Variants in DPP6 observed in about 807,000 individuals in gnomAD.
DPP6 encodes dipeptidyl peptidase like 6.
Under a neutral mutation model 122.6 loss-of-function variants are expected in DPP6, and 69 were observed. The observed-to-expected ratio is 0.56, with a 90% CI of 0.46 to 0.69. The LOEUF (loss-of-function observed/expected upper bound fraction) is 0.69. DPP6 is among the 30% of genes least tolerant of loss of function. The pLI is 0.00. For missense variants in DPP6, 928 were observed against 1,116.9 expected (o/e 0.83, Z 2.41); for synonymous variants, 418 against 433.1 (o/e 0.97, Z 0.43).
At chr7:154,558,121 C>T (rs1481403708) in intron 4 of DPP6, among the ~76,000 whole-genome samples, 1 of 151,932 alleles carries the variant, frequency 6.6e-6, no homozygotes, top group African/African-American at 2.4e-5. Context: ...CCCACAGGCC[C>T]CAGTATATGA....
At chr7:154,061,602 T>G (rs1448490104) in intron 1 of DPP6, among the ~76,000 whole-genome samples, 5 of 144,204 alleles carry the variant, frequency 3.5e-5, no homozygotes, top group Non-Finnish European at 7.7e-5. Flanking sequence ...CCCTGGCTCT[T>G]GGGACTCCCA....
chr7:153,857,499 T>C, the DPP6 span, among the ~76,000 whole-genome samples: 4 of 152,182 alleles, frequency 2.6e-5, no homozygotes, highest in Non-Finnish European at 4.4e-5. Context: ...CAGACACTGC[T>C]TACAGCTTTC....
chr7:154,765,091 T>C (rs1367303555), intron 8 of DPP6, among the ~76,000 whole-genome samples: 2 of 152,192 alleles, frequency 1.3e-5, no homozygotes, highest in African/African-American at 2.4e-5. Flanking sequence ...ACAGCACACA[T>C]ATGAATGAGA....
At chr7:154,128,315 C>T (rs529172367) in intron 1 of DPP6, among the ~76,000 whole-genome samples, 1 of 152,154 alleles carries the variant, frequency 6.6e-6, no homozygotes, top group Non-Finnish European at 1.5e-5. Flanking sequence ...CATGGTGGCT[C>T]ACATCTGTAA....
the DPP6 span, among the ~76,000 whole-genome samples, chr7:153,765,906 G>A: frequency 6.6e-6 from 1 of 152,168 alleles, no homozygotes; most frequent in Admixed American, 6.5e-5. Flanking sequence ...TCAAACATCA[G>A]TGTCCACACA....
intron 5 of DPP6, among the ~76,000 whole-genome samples, chr7:154,595,206 T>G (rs1271940975): frequency 1.3e-5 from 2 of 152,158 alleles, no homozygotes; most frequent in East Asian, 3.9e-4. Context: ...TCCGTTGCCA[T>G]CTTCCTGCCC....
chr7:154,157,152 G>C (rs1796724822), intron 1 of DPP6, among the ~76,000 whole-genome samples: 1 of 152,268 alleles, frequency 6.6e-6, no homozygotes, highest in Non-Finnish European at 1.5e-5. Context: ...GCGGAGTCAC[G>C]ATACTGAAGG....
intron 7 of DPP6, among the ~76,000 whole-genome samples, chr7:154,695,011 A>G (rs12719585): frequency 0.026 from 3,981 of 152,326 alleles, 63 homozygotes; most frequent in Non-Finnish European, 0.04. Context: ...AGATTTGCAT[A>G]GACAACATTT....
In DPP6 at chr7:154,037,066, T is replaced by C. The variant is rs1228709100; in HGVS notation, c.51+149332T>C. Among the ~76,000 whole-genome samples the C allele has an allele frequency of 5.3e-5, 8 of 152,254 alleles. No homozygotes were observed. The East Asian group carries it at 1.5e-3, about 29-fold the overall frequency. Reference sequence around the variant, plus strand: ...TTAGTTTCTTCAGTTCAAGGTTGATTTGTGGCCCATGAGTCTCTGATCCAG... The same window carrying C: ...TTAGTTTCTTCAGTTCAAGGTTGATCTGTGGCCCATGAGTCTCTGATCCAG... On this transcript the variant is annotated intron_variant, in intron 1 of 25. Transcript: ENST00000404039.
chr7:153,795,561 T>A, the DPP6 span, among the ~76,000 whole-genome samples: 2 of 152,130 alleles, frequency 1.3e-5, no homozygotes, highest in Non-Finnish European at 2.9e-5. Context: ...CTTTTGGTTT[T>A]ATTTATTTTC....
At chr7:154,829,118 C>T (rs963135169) in intron 16 of DPP6, among the ~76,000 whole-genome samples, 3 of 152,210 alleles carry the variant, frequency 2.0e-5, no homozygotes, top group South Asian at 2.1e-4. Flanking sequence ...CGCAGTGGCT[C>T]ATGCCTGTAA....
chr7:153,850,896 A>T, the DPP6 span, among the ~76,000 whole-genome samples: 6 of 152,204 alleles, frequency 3.9e-5, no homozygotes, highest in Admixed American at 3.9e-4. Flanking sequence ...CAGCCAAAGC[A>T]TATCAGAAGA....
At chr7:154,145,442 A>G (rs1252466682) in intron 1 of DPP6, among the ~76,000 whole-genome samples, 3 of 152,210 alleles carry the variant, frequency 2.0e-5, no homozygotes, top group Admixed American at 2.0e-4. Flanking sequence ...AATATAGCCC[A>G]GCCAAACTCA....
At chr7:154,604,862 TTTTG>T (rs1262319117) in intron 5 of DPP6, among the ~76,000 whole-genome samples, 1 of 120,476 alleles carries the variant, frequency 8.3e-6, no homozygotes, top group African/African-American at 2.6e-5. Context: ...TGCCTATCTC[TTTTG>T]TTTGTTTGTT....
At chr7:154,109,310 T>A (rs1322587167) in intron 1 of DPP6, among the ~76,000 whole-genome samples, 1 of 152,266 alleles carries the variant, frequency 6.6e-6, no homozygotes, top group African/African-American at 2.4e-5. Flanking sequence ...TTTTCTTTTT[T>A]GAGACAGTCT....
chr7:153,804,688 T>A, the DPP6 span, among the ~76,000 whole-genome samples: 3 of 151,746 alleles, frequency 2.0e-5, no homozygotes, highest in African/African-American at 7.3e-5. Flanking sequence ...AGGTCAGGAG[T>A]TCGAGACCAG....
chr7:154,387,484 G>A (rs1386345609), intron 1 of DPP6, among the ~76,000 whole-genome samples: 1 of 152,226 alleles, frequency 6.6e-6, no homozygotes. Flanking sequence ...GGCTGAAAGA[G>A]CAGGAGCCCA....
chr7:154,122,887 ACT>A (rs560771471), intron 1 of DPP6, among the ~76,000 whole-genome samples: 127 of 151,708 alleles, frequency 8.4e-4, no homozygotes, highest in African/African-American at 2.9e-3. Context: ...CTGGCATCAG[ACT>A]CTCCTCCCTC....
At chr7:154,313,488 T>A (rs181621258) in intron 1 of DPP6, among the ~76,000 whole-genome samples, 1 of 151,676 alleles carries the variant, frequency 6.6e-6, no homozygotes, top group East Asian at 1.9e-4. Context: ...AGAACAGGTG[T>A]TTGTGGAATA....
Sources: allele counts gnomAD v4.1 joint callset (sites outside exome capture counted in the v4.1 genomes callset), GRCh38; gene constraint gnomAD v4.1.1; transcripts MANE v1.5; gene names NCBI Gene and HGNC (gene_info 2026-07-23, HGNC 2026-07-21).